The following ARAP2 variants were observed in gnomAD, a reference collection of about 807,000 sequenced individuals.
The protein encoded by ARAP2 is ArfGAP with RhoGAP domain, ankyrin repeat and PH domain 2, also known as arf-GAP with Rho-GAP domain, ANK repeat and PH domain-containing protein 2.
In ARAP2, 148 loss-of-function variants were observed where a neutral mutation model predicts 194.5. The observed-to-expected ratio is 0.76, with a 90% CI of 0.67 to 0.87. The LOEUF (loss-of-function observed/expected upper bound fraction) is 0.87. ARAP2 is among the 40% of genes least tolerant of loss of function. The pLI, the probability that ARAP2 is intolerant of heterozygous loss-of-function variation, is 0.00. For synonymous variants in ARAP2, 695 were observed against 683.5 expected, an observed-to-expected ratio of 1.02 and a Z score of -0.26; for missense variants, 2,128 against 1,989.7, an observed-to-expected ratio of 1.07 and a Z score of -1.32.
At chr4:36,077,393 G>A (rs2109331888) in intron 31 of ARAP2, among the ~76,000 whole-genome samples, 1 of 152,042 alleles carries the variant, frequency 6.6e-6, no homozygotes, top group South Asian at 2.1e-4. Context: ...ACCTCTTCCT[G>A]TTATAGAGGA....
intron 22 of ARAP2, among the ~76,000 whole-genome samples, chr4:36,123,169 C>G (rs1723061995): frequency 6.6e-6 from 1 of 151,786 alleles, no homozygotes; most frequent in Non-Finnish European, 1.5e-5. Context: ...CTGTAAACAT[C>G]TGGAACATTT....
At position 36,114,169 on chromosome 4, in the gene ARAP2, C is replaced by T; in HGVS notation, c.4156+1G>A. ...GAATCCCTAGCATAAAAATCACTTA[C>T]CTAGCTCTTCATTTTCAATGACTTC... is the stretch of plus-strand genomic sequence containing the variant. On this transcript the variant is annotated splice_donor_variant, in intron 26 of 32. Coordinates refer to ENST00000303965, the MANE Select transcript of ARAP2 (RefSeq NM_015230.4). LOFTEE classifies it high-confidence loss of function. The T allele has an allele frequency of 6.4e-7, 1 of 1,569,574 alleles. No homozygotes were observed. Among genetic ancestry groups the T allele is most frequent in the Non-Finnish European group, 8.7e-7 (1 of 1,143,830 alleles).
At chr4:36,147,234 A>C in intron 19 of ARAP2, 62 bp downstream of exon 19, 1 of 1,488,412 alleles carries the variant, frequency 6.7e-7, no homozygotes, top group East Asian at 2.3e-5. Flanking sequence ...ATAATAACAA[A>C]AAACAAAATC....
At chr4:36,101,429 A>G (rs1716907280) in intron 27 of ARAP2, among the ~76,000 whole-genome samples, 1 of 151,308 alleles carries the variant, frequency 6.6e-6, no homozygotes, top group Admixed American at 6.6e-5. Flanking sequence ...CTACTAATGC[A>G]GCAAATTGCA....
chr4:36,108,741 T>A (rs1406355582), intron 26 of ARAP2, among the ~76,000 whole-genome samples: 3 of 152,024 alleles, frequency 2.0e-5, no homozygotes, highest in African/African-American at 7.2e-5. Context: ...ATGATCAAAA[T>A]ATGTCAATCA....
rs1724651253 is a variant in ARAP2, at chr4:36,128,828, G to A, written c.3428-83C>T. ...TATTTTAAAAACAAAACAAATGTTT[G>A]TGTTGAGACGAGAAGATGATGAAAT... On this transcript the variant is annotated intron_variant, in intron 20 of 32. Transcript: ENST00000303965. 8 of 1,090,410 alleles carry A rather than the reference G, an allele frequency of 7.3e-6. No individual in the cohort carries two copies. In the East Asian group the frequency reaches 1.8e-4, roughly 25 times the overall value. The allele number at this position is 1,090,410 out of a possible 1,614,324, so 67.5% of individuals were successfully genotyped here. A position where few individuals can be genotyped will look rare whatever the true frequency, so the allele number is the denominator to read the frequency against.
chr4:36,024,224 A>T (rs565309606), intron 5 of ARAP2, among the ~76,000 whole-genome samples: 1 of 152,286 alleles, frequency 6.6e-6, no homozygotes, highest in South Asian at 2.1e-4. Flanking sequence ...TCACCTTCCA[A>T]AAGTTGATCA....
chr4:36,167,639 A>G lies in ARAP2; in HGVS notation c.1858-592T>C, dbSNP rs1735590612. On this transcript the variant is annotated intron_variant, in intron 9 of 32. Coordinates refer to ENST00000303965, the MANE Select transcript of ARAP2 (RefSeq NM_015230.4). ...CATTACTTGTCTTAGGAGATATACA[A>G]TTTTACCTCATTTCCAATATTTTAT... Among the ~76,000 whole-genome samples the G allele has an allele frequency of 1.3e-5, 2 of 152,128 alleles. 1 individual carries two copies. The highest frequency in any genetic ancestry group is 4.1e-4 in the South Asian group (2 of 4,826).
At chr4:36,109,854 C>A in intron 26 of ARAP2, among the ~76,000 whole-genome samples, 1 of 14,864 alleles carries the variant, frequency 6.7e-5, no homozygotes, top group South Asian at 3.2e-3. Context: ...TAATGCTATC[C>A]CTCCCCCTCC....
At chr4:36,141,305 A>G (rs532179780) in intron 19 of ARAP2, among the ~76,000 whole-genome samples, 2 of 151,702 alleles carry the variant, frequency 1.3e-5, no homozygotes, top group African/African-American at 2.4e-5. Context: ...CAATAACAAC[A>G]TCAAATAGCA....
Position 36,228,850 on chromosome 4 carries a change from C to T in ARAP2, c.637G>A (p.Asp213Asn), listed in dbSNP as rs1044060248. Residue 213 changes from aspartate to asparagine, a missense_variant, in exon 2 of 33, where the codon GAC (aspartate) becomes AAC (asparagine). Physicochemically the swap from Asp to Asn is conservative, Grantham distance 23 (BLOSUM62 1). Coordinates refer to ENST00000303965, the MANE Select transcript of ARAP2 (RefSeq NM_015230.4). ...CCAACAAAAGAAAGGCATTCAGAGTCTGCATTAGGGAGCTTACTGAGATTT... is the reference window on the plus strand; with the variant it reads ...CCAACAAAAGAAAGGCATTCAGAGTTTGCATTAGGGAGCTTACTGAGATTT... ...TENLSKLPNA[D>N]SECLSFVGCS... is the part of the protein sequence containing the mutation. 6.2e-7 allele frequency: 1 copy of T among 1,614,162 alleles called. No homozygotes were observed. Among genetic ancestry groups the T allele is most frequent in the Non-Finnish European group, 8.5e-7 (1 of 1,180,018 alleles).
intron 7 of ARAP2, among the ~76,000 whole-genome samples, chr4:36,191,234 G>A (rs1741827703): frequency 1.3e-5 from 2 of 152,098 alleles, no homozygotes; most frequent in South Asian, 4.1e-4. Flanking sequence ...TGAGGAAAAT[G>A]TTACCATTAA....
chr4:36,018,627 T>C (rs1716324278), intron 6 of ARAP2, among the ~76,000 whole-genome samples: 1 of 152,196 alleles, frequency 6.6e-6, no homozygotes, highest in Non-Finnish European at 1.5e-5. Context: ...CATGCAAATA[T>C]GAGTAAGACT....
chr4:36,212,193 G>A (rs1746909743), intron 5 of ARAP2, among the ~76,000 whole-genome samples: 1 of 151,942 alleles, frequency 6.6e-6, no homozygotes, highest in Non-Finnish European at 1.5e-5. Context: ...ATCTGCCACA[G>A]AATGCAACTA....
At chr4:36,237,205 G>A (rs1302350772) in intron 1 of ARAP2, among the ~76,000 whole-genome samples, 1 of 152,170 alleles carries the variant, frequency 6.6e-6, no homozygotes, top group Non-Finnish European at 1.5e-5. Context: ...CTGATATAAG[G>A]CAACAATATG....
chr4:36,081,042 G>A (rs1195669779), intron 30 of ARAP2, among the ~76,000 whole-genome samples: 2 of 152,082 alleles, frequency 1.3e-5, no homozygotes, highest in Non-Finnish European at 2.9e-5. Context: ...TTACATTCCT[G>A]TATTATCAAA....
intron 20 of ARAP2, among the ~76,000 whole-genome samples, chr4:36,131,909 T>C (rs929589131): frequency 2.0e-5 from 3 of 151,782 alleles, no homozygotes; most frequent in South Asian, 2.1e-4. Context: ...AAACATATCA[T>C]AGCAGGAAAC....
intron 29 of ARAP2, among the ~76,000 whole-genome samples, 183 bp downstream of exon 29, chr4:36,083,185 T>C (rs1450139951): frequency 6.6e-6 from 1 of 152,042 alleles, no homozygotes; most frequent in Non-Finnish European, 1.5e-5. Context: ...CGTCCCTCCT[T>C]ATCTACTCAT....
rs36207295 is a variant in ARAP2 at position 36,161,146 on chromosome 4, A to AACAC, written c.2259+315_2259+318dup. ...GTTGGGTTTAAAACACACACACACA[A>AACAC]ACACACACACACACACACACACACA... On this transcript the variant is annotated intron_variant, in intron 12 of 32. Coordinates refer to ENST00000303965, the MANE Select transcript of ARAP2 (RefSeq NM_015230.4). Among the ~76,000 whole-genome samples, 515 of 147,918 alleles carry AACAC rather than the reference A, an allele frequency of 3.5e-3. 1 individual carries two copies. The highest frequency in any genetic ancestry group is 0.01 in the African/African-American group (410 of 40,412).
Sources: allele counts gnomAD v4.1 joint callset (sites outside exome capture counted in the v4.1 genomes callset), GRCh38; gene constraint gnomAD v4.1.1; transcripts MANE v1.5; gene names NCBI Gene and HGNC (gene_info 2026-07-23, HGNC 2026-07-21).